NECTIN4: variants seen among roughly 807,000 people sequenced by gnomAD.
NECTIN4 encodes nectin-4.
Under a neutral mutation model 51.7 loss-of-function variants are expected in NECTIN4, and 19 were observed. The ratio of observed to expected loss-of-function variants is 0.37; its 90% CI spans 0.26 to 0.54. NECTIN4 has a LOEUF of 0.54. Ranked by LOEUF, NECTIN4 falls within the 20% of genes least tolerant of loss-of-function variation. The probability of loss-of-function intolerance (pLI) is 0.86; values close to 1 mark genes in which losing one functional copy is unlikely to be tolerated. For synonymous variants in NECTIN4, 283 were observed against 286.9 expected (o/e 0.99, Z 0.14); for missense variants, 619 against 662.4 (o/e 0.93, Z 0.72).
intron 1 of NECTIN4, among the ~76,000 whole-genome samples, chr1:161,081,871 C>T (rs768580104): frequency 3.4e-5 from 5 of 147,974 alleles, no homozygotes; most frequent in African/African-American, 4.9e-5. Flanking sequence ...GCTTTCATTC[C>T]CATCACAGCA....
Position 161,073,742 on chromosome 1 carries a change from T to C in NECTIN4, c.1211A>G (p.His404Arg), listed in dbSNP as rs867854718. 1.2e-6 allele frequency: 2 copies of C among 1,614,090 alleles called. No homozygotes were observed. The highest frequency in any genetic ancestry group is 1.6e-4 in the Middle Eastern group (1 of 6,062). The change falls in exon 7 of 9, where the codon CAT becomes CGT. Residue 404 changes from histidine to arginine, a missense_variant. Physicochemically the swap from His to Arg is conservative, Grantham distance 29. Around this residue, in one of 3 missense-constraint regions of NECTIN4, gnomAD observed 364 missense variants for 415.7 expected, o/e 0.88. Transcript: ENST00000368012. The part of the protein sequence containing the change: ...RENSIRRLHS[H>R]HTDPRSQPEE... ...CACCTGGCTCCTGGGGTCCGTGTGA[T>C]GGGAATGCAGCCTCCGGATGGAGTT...
rs757809132 is a variant in NECTIN4 at position 161,089,371 on chromosome 1, A to G, written c.-75T>C. On this transcript the variant is annotated 5_prime_UTR_variant, in exon 1 of 9. Coordinates refer to ENST00000368012, the MANE Select transcript of NECTIN4 (RefSeq NM_030916.3). The surrounding 1 kb of genome is among the most constrained non-coding windows in gnomAD (Gnocchi z 4.1). ...CTGGGAGCCGGCTGCAGACTTGAAT[A>G]AGGAACTGACCCAGAAGGCAGGAAG... 25 of 1,386,596 alleles carry G rather than the reference A, an allele frequency of 1.8e-5. No individual in the cohort carries two copies. The highest frequency in any genetic ancestry group is 6.8e-5 in the Admixed American group (4 of 58,658). The allele number at this position is 1,386,596 out of a possible 1,614,324, so 85.9% of individuals were successfully genotyped here. A position where few individuals can be genotyped will look rare whatever the true frequency, so the allele number is the denominator to read the frequency against.
At chr1:161,080,619 C>G (rs978850139) in intron 1 of NECTIN4, among the ~76,000 whole-genome samples, 1 of 151,968 alleles carries the variant, frequency 6.6e-6, no homozygotes, top group African/African-American at 2.4e-5. Context: ...CAGGAATGAG[C>G]AAGCCACTAA....
At position 161,072,482 on chromosome 1, in the gene NECTIN4, G is replaced by A. The variant is rs1166310890; in HGVS notation, c.*179C>T. 7.6e-6 allele frequency: 5 copies of A among 659,910 alleles called. No individual in the cohort carries two copies. In the East Asian group the frequency reaches 1.4e-4, roughly 18 times the overall value. 40.9% of individuals were successfully genotyped at this position (659,910 alleles called of 1,614,324 possible). ...AGTGACCTGCATGCATGGTGGGAGA[G>A]ACTCAATTGGTGGAGCCCTCCCGAT... On this transcript the variant is annotated 3_prime_UTR_variant, in exon 9 of 9. Transcript: ENST00000368012.
At chr1:161,086,591 G>A (rs183245726) in intron 1 of NECTIN4, among the ~76,000 whole-genome samples, 9 of 152,332 alleles carry the variant, frequency 5.9e-5, no homozygotes, top group African/African-American at 2.2e-4. Flanking sequence ...GATCCTAATG[G>A]GGGGAGGGGT....
In NECTIN4 at chr1:161,079,663, C is replaced by T. The variant is rs376716354; in HGVS notation, c.366G>A (p.Glu122=). 6.8e-6 allele frequency: 11 copies of T among 1,606,438 alleles called. No individual in the cohort carries two copies. Among genetic ancestry groups the T allele is most frequent in the South Asian group, 1.1e-5 (1 of 91,028 alleles). Residue 122 remains glutamate, a synonymous_variant, in exon 2 of 9, where the codon GAG becomes GAA. Transcript: ENST00000368012. The part of the protein sequence containing the change: ...VLLRNAVQAD[E]GEYECRVSTF... ...TGCTGACCCGGCACTCGTACTCGCC[C>T]TCATCCGCCTGCACTGCGTTGCGCA...
chr1:161,087,098 C>G (rs1335975196), intron 1 of NECTIN4: 1 of 152,254 alleles, frequency 6.6e-6, no homozygotes, highest in Non-Finnish European at 1.5e-5. Flanking sequence ...TGGACCAAGA[C>G]TCCTGACTTC....
rs1192073671 is a variant in NECTIN4, at chr1:161,071,170, A to T, written c.*1491T>A. 1 of 152,132 alleles carries T rather than the reference A, an allele frequency of 6.6e-6. No individual in the cohort carries two copies. The highest frequency in any genetic ancestry group is 1.5e-5 in the Non-Finnish European group (1 of 68,022). The allele number at this position is 152,132 out of a possible 1,614,324, so 9.4% of individuals were successfully genotyped here. A position where few individuals can be genotyped will look rare whatever the true frequency, so the allele number is the denominator to read the frequency against. On this transcript the variant is annotated 3_prime_UTR_variant, in exon 9 of 9. Transcript: ENST00000368012. Reference sequence around the variant, plus strand: ...CTCCCTTAGGCCAGAAATCCAGCAGATTTCAGACTAAGAAGAGTTTGGGTA... The same window carrying T: ...CTCCCTTAGGCCAGAAATCCAGCAGTTTTCAGACTAAGAAGAGTTTGGGTA...
chr1:161,076,305 G>C (rs1024258977), intron 4 of NECTIN4, 50 bp downstream of exon 4: 5 of 1,610,824 alleles, frequency 3.1e-6, no homozygotes, highest in Non-Finnish European at 3.4e-6. Flanking sequence ...GGCCCTGAGA[G>C]GGGAGGAACC....
intron 7 of NECTIN4, 62 bp from the exon 8 acceptor site, chr1:161,073,361 C>A: frequency 2.2e-6 from 3 of 1,393,422 alleles, no homozygotes; most frequent in Non-Finnish European, 3.0e-6. Context: ...CAGCCTCTTC[C>A]CCTCTTGTCC....
chr1:161,076,555 C>T (rs1653424696), intron 3 of NECTIN4, 80 bp from the exon 4 acceptor site: 2 of 1,585,276 alleles, frequency 1.3e-6, no homozygotes, highest in Admixed American at 1.7e-5. Flanking sequence ...TGCCCCCACC[C>T]CACCCTGCCT....
rs147970683 is a variant in NECTIN4, at chr1:161,077,923, G to A, written c.440-180C>T. ...GACTTTGTATCCTTCTCTACTGTGC[G>A]AATTTTTTACAATGAACGTAGGTTA... On this transcript the variant is annotated intron_variant, in intron 2 of 8. Transcript: ENST00000368012. Among the ~76,000 whole-genome samples, 39 of 152,112 alleles carry A rather than the reference G, an allele frequency of 2.6e-4. No individual in the cohort carries two copies. In the South Asian group the frequency reaches 4.8e-3, roughly 19 times the overall value.
chr1:161,071,486 A>C lies in NECTIN4; in HGVS notation c.*1175T>G, dbSNP rs1653161855. On this transcript the variant is annotated 3_prime_UTR_variant, in exon 9 of 9. Transcript: ENST00000368012. ...AGGTATCACAAACAATGGTGGATGCAATTTTACCTTACTCAGTAACCACGA... is the reference window on the plus strand; with the variant it reads ...AGGTATCACAAACAATGGTGGATGCCATTTTACCTTACTCAGTAACCACGA... 1 of 152,144 alleles carries C rather than the reference A, an allele frequency of 6.6e-6. No homozygotes were observed. The highest frequency in any genetic ancestry group is 1.5e-5 in the Non-Finnish European group (1 of 68,028). 9.4% of individuals were successfully genotyped at this position (152,144 alleles called of 1,614,324 possible).
In NECTIN4 at chr1:161,077,639, T is replaced by A. The variant is rs138438423; in HGVS notation, c.544A>T (p.Thr182Ser). The A allele has an allele frequency of 4.3e-6, 7 of 1,613,506 alleles. No homozygotes were observed. In the African/African-American group the frequency reaches 8.0e-5, roughly 18 times the overall value. ...TAEGSPAPSV[T>S]WDTEVKGTTS... ...GTGCCTTTGACCTCCGTGTCCCAGG[T>A]CACGCTGGGGGCTGGGCTGCCCTCA... is the stretch of plus-strand genomic sequence containing the variant. The change falls in exon 3 of 9, where the codon ACC becomes TCC. Residue 182 changes from threonine (T) to serine (S), a missense_variant. Coordinates refer to ENST00000368012, the MANE Select transcript of NECTIN4 (RefSeq NM_030916.3).
chr1:161,074,484 C>G, intron 5 of NECTIN4, 111 bp from the exon 6 acceptor site: 1 of 1,580,518 alleles, frequency 6.3e-7, no homozygotes, highest in Non-Finnish European at 8.7e-7. Context: ...TGATTCTCTG[C>G]AAGACACACA....
In NECTIN4 at chr1:161,074,287, G is replaced by T. The variant is rs758979909; in HGVS notation, c.1087C>A (p.Leu363Ile). The T allele has an allele frequency of 1.9e-6, 3 of 1,613,926 alleles. No individual in the cohort carries two copies. The highest frequency in any genetic ancestry group is 2.5e-6 in the Non-Finnish European group (3 of 1,179,964). Residue 363 changes from leucine (L) to isoleucine (I), a missense_variant, in exon 6 of 9, where the codon CTT (leucine) becomes ATT (isoleucine). By Grantham distance (5) the Leu-to-Ile change is conservative (BLOSUM62 2). This residue lies in a region of NECTIN4 where 364 missense variants were observed against 415.7 expected (regional missense o/e 0.88). Transcript: ENST00000368012. ...ATGAGCACCACCACCACCACCAGAA[G>T]GCAGAACAAGAGTGCGGCGATCACA... is the stretch of plus-strand genomic sequence containing the variant. The part of the protein sequence containing the change: ...VGVIAALLFC[L>I]LVVVVVLMSR...
At chr1:161,073,901 G>A (rs144154290) in intron 6 of NECTIN4, 106 bp from the exon 7 acceptor site, 151 of 1,020,008 alleles carry the variant, frequency 1.5e-4, no homozygotes, top group East Asian at 6.9e-4. Flanking sequence ...TGTGGGTGCC[G>A]TGCTGGCCCT....
Position 161,074,654 on chromosome 1 carries a change from A to G in NECTIN4, c.957T>C (p.Asn319=). The change falls in exon 5 of 9, where the codon AAT becomes AAC. Residue 319 remains asparagine (N), a synonymous_variant. Coordinates refer to ENST00000368012, the MANE Select transcript of NECTIN4 (RefSeq NM_030916.3). ...CCTGAGAATCCCTTGAGGAGAACTC[A>G]TTGCTGACATGGCAGACGTAGATGC... is the stretch of plus-strand genomic sequence containing the variant. The part of the protein sequence containing the change: ...HSGIYVCHVS[N]EFSSRDSQVT... The G allele has an allele frequency of 6.2e-7, 1 of 1,614,238 alleles. No homozygotes were observed. The highest frequency in any genetic ancestry group is 1.3e-5 in the African/African-American group (1 of 75,068).
intron 2 of NECTIN4, among the ~76,000 whole-genome samples, chr1:161,079,345 G>A (rs564244260): frequency 6.6e-6 from 1 of 152,322 alleles, no homozygotes; most frequent in East Asian, 1.9e-4. Context: ...AGTAACAGAG[G>A]GAGTTTCATG....
Sources: allele counts gnomAD v4.1 joint callset (sites outside exome capture counted in the v4.1 genomes callset), GRCh38; gene constraint gnomAD v4.1.1; regional missense constraint gnomAD v4.1.1; non-coding constraint Gnocchi (gnomAD v3.1); transcripts MANE v1.5; gene names NCBI Gene and HGNC (gene_info 2026-07-23, HGNC 2026-07-21).